The following CYB5R4 variants were observed in gnomAD, a reference collection of about 807,000 sequenced individuals.
CYB5R4 encodes N-terminal cytochrome b5 and cytochrome b5 oxidoreductase domain-containing protein.
A neutral mutation model predicts 70.2 loss-of-function variants in CYB5R4; 55 were observed. The ratio of observed to expected loss-of-function variants is 0.78; its 90% confidence interval spans 0.63 to 0.98. The LOEUF (loss-of-function observed/expected upper bound fraction) is 0.98. Among genes scored for constraint, CYB5R4 ranks in the 50% least tolerant of loss-of-function variants. CYB5R4 has a pLI of 0.00. For synonymous variants in CYB5R4, 197 were observed against 199.5 expected (o/e 0.99, Z 0.11); for missense variants, 562 against 612.6 (o/e 0.92, Z 0.87).
At chr6:83,861,795 C>A (rs181571416) in intron 1 of CYB5R4, among the ~76,000 whole-genome samples, 1 of 152,170 alleles carries the variant, frequency 6.6e-6, no homozygotes, top group African/African-American at 2.4e-5. Flanking sequence ...TTTAATTAAT[C>A]TTTCTTAAAT....
chr6:83,901,616 T>G (rs2099462970), intron 3 of CYB5R4, among the ~76,000 whole-genome samples: 2 of 152,180 alleles, frequency 1.3e-5, no homozygotes, highest in South Asian at 4.1e-4. Context: ...GTAGATTTGG[T>G]CTTTTCACAT....
chr6:83,888,960 G>A (rs1197861659), intron 2 of CYB5R4, among the ~76,000 whole-genome samples: 1 of 152,184 alleles, frequency 6.6e-6, no homozygotes, highest in Non-Finnish European at 1.5e-5. Context: ...TTAGTGGTGT[G>A]GATAGATTAA....
chr6:83,941,254 C>T (rs974325113), intron 14 of CYB5R4, among the ~76,000 whole-genome samples: 8 of 152,008 alleles, frequency 5.3e-5, no homozygotes, highest in Non-Finnish European at 4.4e-5. Context: ...AGAGCTCAGC[C>T]CAGTAAACTA....
At chr6:83,886,279 A>G (rs554915271) in intron 2 of CYB5R4, among the ~76,000 whole-genome samples, 4 of 152,280 alleles carry the variant, frequency 2.6e-5, no homozygotes, top group East Asian at 3.9e-4. Flanking sequence ...TGATGACCCA[A>G]TCGCTTAAAG....
intron 2 of CYB5R4, among the ~76,000 whole-genome samples, chr6:83,883,750 C>A (rs1191639207): frequency 6.6e-6 from 1 of 152,006 alleles, no homozygotes; most frequent in African/African-American, 2.4e-5. Flanking sequence ...TACTTTTTGT[C>A]CTCTTCATTT....
intron 10 of CYB5R4, among the ~76,000 whole-genome samples, chr6:83,932,719 A>G (rs528392701): frequency 1.4e-4 from 21 of 152,236 alleles, no homozygotes; most frequent in African/African-American, 4.6e-4. Context: ...ATCTACTTCT[A>G]TCCAAGGAGT....
At chr6:83,938,591 C>G (rs1044799811) in intron 12 of CYB5R4, among the ~76,000 whole-genome samples, 8 of 152,206 alleles carry the variant, frequency 5.3e-5, no homozygotes, top group Non-Finnish European at 1.0e-4. Flanking sequence ...CATGTAACCC[C>G]AGCTGTAAGT....
intron 14 of CYB5R4, among the ~76,000 whole-genome samples, chr6:83,955,000 C>T (rs1248949131): frequency 6.6e-6 from 1 of 151,738 alleles, no homozygotes; most frequent in Non-Finnish European, 1.5e-5. Context: ...CCCACCTTGG[C>T]CTCCCAAGAT....
intron 14 of CYB5R4, among the ~76,000 whole-genome samples, chr6:83,949,330 G>A (rs1449415321): frequency 6.6e-6 from 1 of 152,018 alleles, no homozygotes; most frequent in East Asian, 1.9e-4. Context: ...TACAAAAAAG[G>A]AAAGTAAAAG....
chr6:83,892,386 C>A (rs1208853129), intron 2 of CYB5R4, among the ~76,000 whole-genome samples: 2 of 151,918 alleles, frequency 1.3e-5, no homozygotes, highest in Non-Finnish European at 2.9e-5. Context: ...TATTTAAATT[C>A]ATGGAAGTCA....
intron 2 of CYB5R4, among the ~76,000 whole-genome samples, chr6:83,888,761 G>T (rs780524527): frequency 6.6e-6 from 1 of 152,100 alleles, no homozygotes; most frequent in Non-Finnish European, 1.5e-5. Context: ...AACTAGAAAC[G>T]ATTAAGCTTA....
intron 8 of CYB5R4, among the ~76,000 whole-genome samples, chr6:83,922,143 T>C (rs1562839875): frequency 6.6e-6 from 1 of 152,190 alleles, no homozygotes; most frequent in Non-Finnish European, 1.5e-5. Context: ...TCTTGGTTTG[T>C]AGGATTCCCA....
At chr6:83,945,207 G>T (rs1562845525) in intron 14 of CYB5R4, among the ~76,000 whole-genome samples, 1 of 152,110 alleles carries the variant, frequency 6.6e-6, no homozygotes, top group Non-Finnish European at 1.5e-5. Context: ...CAAAGGAACA[G>T]AAATCATAAC....
chr6:83,867,255 T>G (rs1390947179), intron 2 of CYB5R4, among the ~76,000 whole-genome samples: 1 of 152,090 alleles, frequency 6.6e-6, no homozygotes, highest in African/African-American at 2.4e-5. Context: ...AATGAGGAAG[T>G]GCACTCAGGT....
At chr6:83,956,795 T>G (rs778578242) in intron 15 of CYB5R4, among the ~76,000 whole-genome samples, 2 of 152,026 alleles carry the variant, frequency 1.3e-5, no homozygotes, top group Non-Finnish European at 2.9e-5. Flanking sequence ...CAGAGTCAGG[T>G]TGGAAAGTAA....
chr6:83,891,400 T>C (rs61762803), intron 2 of CYB5R4, among the ~76,000 whole-genome samples: 3 of 152,314 alleles, frequency 2.0e-5, no homozygotes, highest in Non-Finnish European at 4.4e-5. Flanking sequence ...TGTTTTTTTA[T>C]GTTTGTATTT....
intron 10 of CYB5R4, among the ~76,000 whole-genome samples, chr6:83,925,756 C>G (rs2099467184): frequency 6.6e-6 from 1 of 152,106 alleles, no homozygotes; most frequent in Non-Finnish European, 1.5e-5. Context: ...TTTCTTCTCC[C>G]CATGGTCTGT....
chr6:83,903,628 G>T (rs1223423815), intron 3 of CYB5R4, among the ~76,000 whole-genome samples: 4 of 151,790 alleles, frequency 2.6e-5, no homozygotes, highest in Non-Finnish European at 4.4e-5. Flanking sequence ...TTCTACATTT[G>T]GTAAAATTTT....
At chr6:83,886,754 G>A (rs9350990) in intron 2 of CYB5R4, among the ~76,000 whole-genome samples, 23,437 of 152,044 alleles carry the variant, frequency 0.15, 3,532 homozygotes, top group African/African-American at 0.37. Flanking sequence ...CCCTTTTAAA[G>A]AACTAATGAG....
Sources: gnomAD v4.1 joint callset for allele counts (sites outside exome capture counted in the v4.1 genomes callset) on GRCh38, gnomAD v4.1.1 for gene constraint, MANE v1.5 for transcripts, NCBI Gene and HGNC (gene_info 2026-07-23, HGNC 2026-07-21) for gene names.